Variants in EDAR observed in about 807,000 individuals in gnomAD.
EDAR encodes ectodysplasin A receptor, also known as tumor necrosis factor receptor superfamily member EDAR.
In EDAR, 38 loss-of-function variants were observed where a neutral mutation model predicts 51.3. That is an observed-to-expected ratio of 0.74 (90% confidence interval 0.57 to 0.97). The LOEUF (loss-of-function observed/expected upper bound fraction) is 0.97, where lower values mean the gene tolerates loss of function less well. EDAR is among the 50% of genes least tolerant of loss of function. EDAR has a pLI of 0.00. For synonymous variants in EDAR, 227 were observed against 242.1 expected, an observed-to-expected ratio of 0.94 and a Z score of 0.58; for missense variants, 528 against 595.0, an observed-to-expected ratio of 0.89 and a Z score of 1.17.
chr2:108,937,724 T>C (rs1460166596), intron 1 of EDAR, among the ~76,000 whole-genome samples: 1 of 152,110 alleles, frequency 6.6e-6, no homozygotes, highest in East Asian at 1.9e-4. Context: ...TGTATGTGTG[T>C]GTGTATCTGT....
chr2:108,906,667 A>AC (rs986496890), intron 10 of EDAR, among the ~76,000 whole-genome samples: 20 of 151,974 alleles, frequency 1.3e-4, no homozygotes, highest in Admixed American at 1.3e-3. Context: ...GACCATGGGG[A>AC]CCCCCACTTG....
intron 9 of EDAR, among the ~76,000 whole-genome samples, chr2:108,908,332 A>G (rs1696852346): frequency 1.3e-5 from 2 of 152,150 alleles, no homozygotes; most frequent in Non-Finnish European, 2.9e-5. Context: ...CTGACACACA[A>G]TGGATGCTCC....
intron 1 of EDAR, among the ~76,000 whole-genome samples, chr2:108,943,750 A>C (rs1182697160): frequency 1.3e-5 from 2 of 152,110 alleles, no homozygotes; most frequent in African/African-American, 4.8e-5. Flanking sequence ...AGATGAATCC[A>C]TGGGGCTGAG....
At chr2:108,908,044 T>C in intron 9 of EDAR, 25 bp from the exon 10 acceptor site, 1 of 1,593,976 alleles carries the variant, frequency 6.3e-7, no homozygotes, top group South Asian at 1.1e-5. Context: ...GCGATGGTCA[T>C]TAGCAGTGCC....
intron 1 of EDAR, among the ~76,000 whole-genome samples, chr2:108,955,977 C>T (rs534541268): frequency 2.0e-5 from 3 of 152,146 alleles, no homozygotes; most frequent in African/African-American, 4.8e-5. Context: ...TGCAGTGAGC[C>T]GAGATGGTGC....
chr2:108,950,252 C>G (rs953932115), intron 1 of EDAR, among the ~76,000 whole-genome samples: 27 of 150,066 alleles, frequency 1.8e-4, no homozygotes, highest in Admixed American at 5.3e-4. Flanking sequence ...CCCTCCCTCC[C>G]TCCATTCCTT....
intron 4 of EDAR, among the ~76,000 whole-genome samples, chr2:108,923,887 T>G (rs909752165): frequency 4.6e-5 from 7 of 152,196 alleles, no homozygotes; most frequent in African/African-American, 1.7e-4. Flanking sequence ...CCTAGTGGGA[T>G]TATAGGCATC....
chr2:108,946,470 C>T (rs1188945431), intron 1 of EDAR, among the ~76,000 whole-genome samples: 4 of 152,230 alleles, frequency 2.6e-5, no homozygotes, highest in Non-Finnish European at 5.9e-5. Flanking sequence ...AGTTGGCTCT[C>T]TGGCCAAACA....
At chr2:108,915,839 G>A (rs1697016833) in intron 5 of EDAR, among the ~76,000 whole-genome samples, 1 of 152,138 alleles carries the variant, frequency 6.6e-6, no homozygotes, top group African/African-American at 2.4e-5. Flanking sequence ...GGAGGTTGCA[G>A]TGAGTCGAGA....
At chr2:108,969,706 G>A (rs1698205173) in intron 1 of EDAR, among the ~76,000 whole-genome samples, 1 of 152,196 alleles carries the variant, frequency 6.6e-6, no homozygotes, top group Non-Finnish European at 1.5e-5. Context: ...TCTCAGTGCT[G>A]AAAGAAATAT....
chr2:108,937,654 GTA>G (rs1266721964), intron 1 of EDAR, among the ~76,000 whole-genome samples: 1 of 151,898 alleles, frequency 6.6e-6, no homozygotes, highest in East Asian at 1.9e-4. Flanking sequence ...GTGTATATGT[GTA>G]TGTTTATATG....
At chr2:108,919,698 C>T (rs1234483734) in intron 5 of EDAR, among the ~76,000 whole-genome samples, 1 of 152,160 alleles carries the variant, frequency 6.6e-6, no homozygotes, top group Non-Finnish European at 1.5e-5. Flanking sequence ...TGCCCAGTGT[C>T]CCAGGCTCTG....
At position 108,895,450 on chromosome 2, in the gene EDAR, C is replaced by A. The variant is rs1696565156; in HGVS notation, c.*1457G>T. 2.6e-5 allele frequency: 4 copies of A among 152,470 alleles called. No individual in the cohort carries two copies. The highest frequency in any genetic ancestry group is 2.6e-4 in the Admixed American group (4 of 15,284). 9.4% of individuals were successfully genotyped at this position (152,470 alleles called of 1,614,324 possible). On this transcript the variant is annotated 3_prime_UTR_variant, in exon 12 of 12. Coordinates refer to ENST00000258443, the MANE Select transcript of EDAR (RefSeq NM_022336.4). Reference sequence around the variant, plus strand: ...GCTCTTGGCAGTTACAGGGATAGTACAATAATATGCCAAGAACAATGCCAG... The same window carrying A: ...GCTCTTGGCAGTTACAGGGATAGTAAAATAATATGCCAAGAACAATGCCAG...
intron 1 of EDAR, among the ~76,000 whole-genome samples, chr2:108,964,145 A>G (rs1347171252): frequency 6.6e-6 from 1 of 152,228 alleles, no homozygotes; most frequent in Non-Finnish European, 1.5e-5. Context: ...GGCAGCACAG[A>G]AGATAGTCTT....
At chr2:108,927,744 G>C (rs1280896914) in intron 4 of EDAR, among the ~76,000 whole-genome samples, 2 of 152,100 alleles carry the variant, frequency 1.3e-5, no homozygotes, top group Non-Finnish European at 2.9e-5. Flanking sequence ...TAGCTATCTA[G>C]GTCTGGATGT....
In EDAR at chr2:108,907,898, C is replaced by T. The variant is rs1481636145; in HGVS notation, c.925G>A (p.Ala309Thr). Reference protein sequence around the residue: ...ELCLLSLVHLAREKSATSNKS... With the variant: ...ELCLLSLVHLTREKSATSNKS... The stretch of plus-strand genomic sequence containing the variant: ...TTGCTGGTGGCAGACTTCTCCCTGG[C>T]CAGGTGAACCAGCGACAGCAGGCAC... The change falls in exon 10 of 12, where the codon GCC (alanine) becomes ACC (threonine). Residue 309 changes from alanine to threonine, a missense_variant. Transcript: ENST00000258443. 1.2e-6 allele frequency: 2 copies of T among 1,613,648 alleles called. No homozygotes were observed. The highest frequency in any genetic ancestry group is 1.6e-4 in the Middle Eastern group (1 of 6,062).
rs929262251 is a variant in EDAR, at chr2:108,894,778, A to C, written c.*2129T>G. 1 of 152,192 alleles carries C rather than the reference A, an allele frequency of 6.6e-6. No individual in the cohort carries two copies. The highest frequency in any genetic ancestry group is 1.5e-5 in the Non-Finnish European group (1 of 68,038). 9.4% of individuals were successfully genotyped at this position (152,192 alleles called of 1,614,324 possible). On this transcript the variant is annotated 3_prime_UTR_variant, in exon 12 of 12. Transcript: ENST00000258443. Reference sequence around the variant, plus strand: ...TAAGTAAATGACAAGGGAATTTGTAACTATATAAGGAATAGCTCCCTAAAA... The same window carrying C: ...TAAGTAAATGACAAGGGAATTTGTACCTATATAAGGAATAGCTCCCTAAAA...
intron 1 of EDAR, among the ~76,000 whole-genome samples, chr2:108,931,743 G>A (rs1335403801): frequency 6.6e-6 from 1 of 150,674 alleles, no homozygotes; most frequent in Non-Finnish European, 1.5e-5. Flanking sequence ...TTTTTTGCTT[G>A]TTTTTTCACT....
chr2:108,934,350 C>T (rs1697427731), intron 1 of EDAR, among the ~76,000 whole-genome samples: 2 of 152,224 alleles, frequency 1.3e-5, no homozygotes, highest in East Asian at 1.9e-4. Flanking sequence ...GGCTCCCAGT[C>T]GTGATCTCCT....
Sources: allele counts gnomAD v4.1 joint callset (sites outside exome capture counted in the v4.1 genomes callset), GRCh38; gene constraint gnomAD v4.1.1; transcripts MANE v1.5; gene names NCBI Gene and HGNC (gene_info 2026-07-23, HGNC 2026-07-21).